Variants in RPRD1B observed in about 807,000 individuals in gnomAD.
The protein encoded by RPRD1B is regulation of nuclear pre-mRNA domain containing 1B.
RPRD1B carries 11 observed loss-of-function variants against 41.5 expected under a neutral mutation model. That is an observed-to-expected ratio of 0.27 (90% CI 0.17 to 0.44). RPRD1B has a LOEUF of 0.44. Ranked by LOEUF, RPRD1B falls within the 20% of genes least tolerant of loss-of-function variation. The probability of loss-of-function intolerance (pLI) is 1.00; values close to 1 mark genes in which losing one functional copy is unlikely to be tolerated. For missense variants in RPRD1B, 248 were observed against 389.9 expected, an observed-to-expected ratio of 0.64 and a Z score of 3.06; for synonymous variants, 158 against 155.6, an observed-to-expected ratio of 1.02 and a Z score of -0.12.
intron 6 of RPRD1B, among the ~76,000 whole-genome samples, chr20:38,088,731 A>G (rs936181386): frequency 6.6e-6 from 1 of 152,250 alleles, no homozygotes; most frequent in Non-Finnish European, 1.5e-5. Context: ...AGAGGAACAT[A>G]GAAGTCTCAC....
In RPRD1B at chr20:38,059,389, T is replaced by G; in HGVS notation, c.529-5T>G. 1 of 1,611,294 alleles carries G rather than the reference T, an allele frequency of 6.2e-7. No individual in the cohort carries two copies. ...GGTAGTGTTGTTTGTGTTTTCATCTTACAGACTGAGGAACTAATCAAAGCT... is the reference window on the plus strand; with the variant it reads ...GGTAGTGTTGTTTGTGTTTTCATCTGACAGACTGAGGAACTAATCAAAGCT... On this transcript the variant is annotated splice_polypyrimidine_tract_variant and splice_region_variant and intron_variant, in intron 4 of 6. Coordinates refer to ENST00000373433, the MANE Select transcript of RPRD1B (RefSeq NM_021215.4).
rs144551290 is a variant in RPRD1B at position 38,091,644 on chromosome 20, C to G, written c.*1769C>G. ...ACTCCCCAACCTCTCCCCCACCCCC[C>G]GTGGTGTGCTGCTTTCTAGATGAGC... is the stretch of plus-strand genomic sequence containing the variant. On this transcript the variant is annotated 3_prime_UTR_variant, in exon 7 of 7. Transcript: ENST00000373433. 2 of 985,668 alleles carry G rather than the reference C, an allele frequency of 2.0e-6. No homozygotes were observed. Among genetic ancestry groups the G allele is most frequent in the Non-Finnish European group, 2.4e-6 (2 of 830,110 alleles). 61.1% of individuals were successfully genotyped at this position (985,668 alleles called of 1,614,324 possible).
At chr20:38,047,199 G>A (rs1435855581) in intron 2 of RPRD1B, among the ~76,000 whole-genome samples, 4 of 151,188 alleles carry the variant, frequency 2.6e-5, no homozygotes, top group South Asian at 4.2e-4. Flanking sequence ...TTTTTTTCCC[G>A]AACCCTCACT....
intron 3 of RPRD1B, 112 bp downstream of exon 3, chr20:38,048,593 A>G: frequency 6.8e-7 from 1 of 1,479,854 alleles, no homozygotes; most frequent in Non-Finnish European, 9.0e-7. Context: ...ATGATTCTTC[A>G]GAGAGACAGA....
At position 38,034,651 on chromosome 20, in the gene RPRD1B, C is replaced by G. The variant is rs527565348; in HGVS notation, c.151+553C>G. Among the ~76,000 whole-genome samples the G allele has an allele frequency of 4.6e-5, 7 of 152,340 alleles. No individual in the cohort carries two copies. In the South Asian group the frequency reaches 1.2e-3, roughly 27 times the overall value. On this transcript the variant is annotated intron_variant, in intron 1 of 6. Transcript: ENST00000373433. ...TAAGACCTTTGTGTGTATCCTCGCA[C>G]TCAGTCCTTAGAACAGCCCTGTGAA...
At chr20:38,075,172 T>C (rs1440170306) in intron 6 of RPRD1B, among the ~76,000 whole-genome samples, 1 of 152,270 alleles carries the variant, frequency 6.6e-6, no homozygotes, top group African/African-American at 2.4e-5. Flanking sequence ...TTAAGTATAC[T>C]GAAGGTCATA....
intron 6 of RPRD1B, among the ~76,000 whole-genome samples, chr20:38,067,046 G>T (rs2074364976): frequency 6.6e-6 from 1 of 152,276 alleles, no homozygotes; most frequent in South Asian, 2.1e-4. Flanking sequence ...AAATGTCACA[G>T]TAGTATTTAT....
intron 3 of RPRD1B, among the ~76,000 whole-genome samples, chr20:38,048,986 G>A (rs917489183): frequency 3.3e-5 from 5 of 152,206 alleles, no homozygotes; most frequent in Non-Finnish European, 7.3e-5. Flanking sequence ...GTCTCACCCT[G>A]TCATCCAGGC....
intron 6 of RPRD1B, among the ~76,000 whole-genome samples, chr20:38,076,291 G>T (rs2074459146): frequency 6.6e-6 from 1 of 152,158 alleles, no homozygotes; most frequent in Non-Finnish European, 1.5e-5. Context: ...TCTTTGATGT[G>T]ACTTTTCATT....
At chr20:38,068,109 T>A (rs1418714618) in intron 6 of RPRD1B, among the ~76,000 whole-genome samples, 1 of 152,218 alleles carries the variant, frequency 6.6e-6, no homozygotes, top group Non-Finnish European at 1.5e-5. Flanking sequence ...AGTGGTTTGC[T>A]GGACGCCACG....
intron 2 of RPRD1B, among the ~76,000 whole-genome samples, chr20:38,040,778 A>T (rs1365401723): frequency 2.0e-5 from 3 of 152,210 alleles, no homozygotes; most frequent in Non-Finnish European, 4.4e-5. Flanking sequence ...GCCTAGCATT[A>T]TCTTTCTTCT....
rs2074617071 is a variant in RPRD1B at position 38,092,215 on chromosome 20, G to C, written c.*2340G>C. On this transcript the variant is annotated 3_prime_UTR_variant, in exon 7 of 7. Transcript: ENST00000373433. ...CTTCAATCTTCCCTTGTTTTTGTTT[G>C]TTTGTTTTTCTTAAAGAATATTTTC... is the stretch of plus-strand genomic sequence containing the variant. The C allele has an allele frequency of 1.0e-6, 1 of 985,232 alleles. No individual in the cohort carries two copies. Among genetic ancestry groups the C allele is most frequent in the South Asian group, 4.7e-5 (1 of 21,268 alleles). The allele number at this position is 985,232 out of a possible 1,614,324, so 61.0% of individuals were successfully genotyped here. A position where few individuals can be genotyped will look rare whatever the true frequency, so the allele number is the denominator to read the frequency against.
intron 3 of RPRD1B, among the ~76,000 whole-genome samples, chr20:38,050,739 A>G (rs1292694171): frequency 1.3e-5 from 2 of 152,182 alleles, no homozygotes; most frequent in Non-Finnish European, 2.9e-5. Flanking sequence ...TTTTTTTGAA[A>G]GTCTAGACAG....
intron 6 of RPRD1B, 58 bp from the exon 7 acceptor site, chr20:38,089,668 C>T: frequency 1.4e-6 from 2 of 1,433,330 alleles, no homozygotes; most frequent in Non-Finnish European, 1.9e-6. Flanking sequence ...GCTCCAGCAG[C>T]ACCCATGCCC....
chr20:38,087,935 T>C (rs937549878), intron 6 of RPRD1B, among the ~76,000 whole-genome samples: 21 of 152,308 alleles, frequency 1.4e-4, no homozygotes, highest in African/African-American at 5.1e-4. Context: ...TGGTGGATGC[T>C]GGGGGAAGCA....
chr20:38,062,838 C>CCT (rs1555801163), intron 5 of RPRD1B, among the ~76,000 whole-genome samples: 7 of 84,314 alleles, frequency 8.3e-5, no homozygotes, highest in African/African-American at 2.3e-4. Flanking sequence ...GCCCCCCCCC[C>CCT]TTTTTTTTTT....
intron 3 of RPRD1B, among the ~76,000 whole-genome samples, chr20:38,056,413 A>G (rs2074241965): frequency 6.6e-6 from 1 of 151,968 alleles, no homozygotes. Context: ...TAAAAATAAA[A>G]CTCATGATAT....
chr20:38,090,967 T>C lies in RPRD1B; in HGVS notation c.*1092T>C. ...CTTGCGTCAGATGTTATTGAATAGC[T>C]CGTCTCGGGCAGGGGAAGCGGGGAG... is the stretch of plus-strand genomic sequence containing the variant. On this transcript the variant is annotated 3_prime_UTR_variant, in exon 7 of 7. Coordinates refer to ENST00000373433, the MANE Select transcript of RPRD1B (RefSeq NM_021215.4). The C allele has an allele frequency of 1.0e-6, 1 of 985,460 alleles. No homozygotes were observed. The highest frequency in any genetic ancestry group is 1.2e-6 in the Non-Finnish European group (1 of 829,930). 61.0% of individuals were successfully genotyped at this position (985,460 alleles called of 1,614,324 possible). A position where few individuals can be genotyped will look rare whatever the true frequency, so the allele number is the denominator to read the frequency against.
intron 6 of RPRD1B, among the ~76,000 whole-genome samples, chr20:38,066,816 T>C (rs1253586911): frequency 6.6e-6 from 1 of 152,078 alleles, no homozygotes; most frequent in Non-Finnish European, 1.5e-5. Context: ...CCACCACGCC[T>C]GGCTAATTTT....
Sources: gnomAD v4.1 joint callset for allele counts (sites outside exome capture counted in the v4.1 genomes callset) on GRCh38, gnomAD v4.1.1 for gene constraint, MANE v1.5 for transcripts, NCBI Gene and HGNC (gene_info 2026-07-23, HGNC 2026-07-21) for gene names.